The following PEX14 variants were observed in gnomAD, a reference collection of about 807,000 sequenced individuals.
PEX14 encodes peroxisomal membrane protein PEX14.
PEX14 carries 15 observed loss-of-function variants against 49.5 expected under a neutral mutation model. That is an observed-to-expected ratio of 0.30 (90% CI 0.20 to 0.47). The LOEUF (loss-of-function observed/expected upper bound fraction) is 0.47. Among genes scored for constraint, PEX14 ranks in the 20% least tolerant of loss-of-function variants. PEX14 has a pLI of 1.00. For synonymous variants in PEX14, 210 were observed against 212.7 expected (o/e 0.99, Z 0.11); for missense variants, 398 against 494.8 (o/e 0.80, Z 1.86).
At chr1:10,521,521 T>C (rs1638295013) in intron 2 of PEX14, among the ~76,000 whole-genome samples, 1 of 152,246 alleles carries the variant, frequency 6.6e-6, no homozygotes, top group Admixed American at 6.5e-5. Context: ...GTTACATAAA[T>C]GCTAACTAAT....
intron 4 of PEX14, among the ~76,000 whole-genome samples, chr1:10,616,005 A>C (rs1480835754): frequency 6.6e-6 from 1 of 152,110 alleles, no homozygotes; most frequent in African/African-American, 2.4e-5. Context: ...GGAGTTGGGG[A>C]CTGAGGGAGA....
At chr1:10,564,059 A>G (rs1639733567) in intron 3 of PEX14, among the ~76,000 whole-genome samples, 1 of 152,140 alleles carries the variant, frequency 6.6e-6, no homozygotes, top group South Asian at 2.1e-4. Flanking sequence ...GTTTTTTTCA[A>G]AAGTAGTTTT....
intron 4 of PEX14, among the ~76,000 whole-genome samples, chr1:10,605,587 G>A (rs759321339): frequency 1.1e-4 from 16 of 152,222 alleles, no homozygotes; most frequent in Non-Finnish European, 2.1e-4. Flanking sequence ...AAGGCCCGGG[G>A]CCAGGGTGGC....
chr1:10,527,015 A>T (rs1328370379), intron 2 of PEX14, among the ~76,000 whole-genome samples: 1 of 151,966 alleles, frequency 6.6e-6, no homozygotes, highest in African/African-American at 2.4e-5. Context: ...GGAGTTCGAG[A>T]CCCGCCTGGC....
intron 2 of PEX14, among the ~76,000 whole-genome samples, chr1:10,535,695 G>GGAGATCA (rs1186836887): frequency 6.6e-6 from 1 of 152,172 alleles, no homozygotes; most frequent in Non-Finnish European, 1.5e-5. Context: ...AAGAGAATAG[G>GGAGATCA]GAGATCAGAG....
At chr1:10,580,745 A>G (rs183528579) in intron 3 of PEX14, among the ~76,000 whole-genome samples, 28 of 152,100 alleles carry the variant, frequency 1.8e-4, no homozygotes, top group Non-Finnish European at 3.8e-4. Flanking sequence ...TATCCAGAAG[A>G]GGATACTGAA....
rs796953319 is a variant in PEX14 at position 10,515,234 on chromosome 1, C to CT, written c.84+19925dup. Among the ~76,000 whole-genome samples, 809 of 146,534 alleles carry CT rather than the reference C, an allele frequency of 5.5e-3. 1 individual carries two copies. The highest frequency in any genetic ancestry group is 0.017 in the African/African-American group (668 of 40,214). On this transcript the variant is annotated intron_variant, in intron 2 of 8. Transcript: ENST00000356607. The stretch of plus-strand genomic sequence containing the variant: ...TAAAAATAAGGCATTAAAACTCTGA[C>CT]TTTTTTTTTTTTCTTCCAGAATCAA...
chr1:10,602,822 TC>T (rs967598613), intron 4 of PEX14, among the ~76,000 whole-genome samples: 2 of 152,232 alleles, frequency 1.3e-5, no homozygotes, highest in African/African-American at 4.8e-5. Context: ...ATTGTCTGCG[TC>T]GGGAGGGATT....
intron 2 of PEX14, among the ~76,000 whole-genome samples, chr1:10,506,608 G>T (rs1220298431): frequency 6.6e-6 from 1 of 152,220 alleles, no homozygotes; most frequent in Admixed American, 6.5e-5. Context: ...AATGTGAAAA[G>T]AAAGTTTTAT....
At chr1:10,618,442 G>A in intron 5 of PEX14, 25 bp downstream of exon 5, 2 of 1,564,634 alleles carry the variant, frequency 1.3e-6, no homozygotes, top group Non-Finnish European at 8.8e-7. Context: ...GCGGCTGCAG[G>A]TGCTGTGCCC....
intron 3 of PEX14, among the ~76,000 whole-genome samples, chr1:10,564,903 T>TA (rs1639758498): frequency 1.2e-5 from 1 of 80,150 alleles, no homozygotes; most frequent in East Asian, 5.4e-4. Context: ...TTTTTGTATA[T>TA]CTTTTTTTTT....
chr1:10,515,090 C>G (rs1641948008), intron 2 of PEX14, among the ~76,000 whole-genome samples: 2 of 152,198 alleles, frequency 1.3e-5, no homozygotes, highest in Non-Finnish European at 1.5e-5. Flanking sequence ...TCTCCAGCAG[C>G]ATGGATCTGT....
At chr1:10,563,195 C>G (rs1418789207) in intron 3 of PEX14, among the ~76,000 whole-genome samples, 1 of 148,834 alleles carries the variant, frequency 6.7e-6, no homozygotes, top group Non-Finnish European at 1.5e-5. Flanking sequence ...GGATTACAGG[C>G]GTGAGCCACG....
chr1:10,625,096 G>A (rs1467799467), intron 7 of PEX14, among the ~76,000 whole-genome samples: 1 of 152,216 alleles, frequency 6.6e-6, no homozygotes, highest in African/African-American at 2.4e-5. Flanking sequence ...CTGAGTCTTA[G>A]TCTCCTCATC....
intron 2 of PEX14, among the ~76,000 whole-genome samples, chr1:10,508,423 G>A (rs527621472): frequency 3.9e-5 from 6 of 152,232 alleles, no homozygotes; most frequent in Non-Finnish European, 7.4e-5. Context: ...TAGCCAGGAT[G>A]GTCTCGATCT....
At chr1:10,502,766 C>T (rs888287532) in intron 2 of PEX14, among the ~76,000 whole-genome samples, 1 of 150,400 alleles carries the variant, frequency 6.6e-6, no homozygotes, top group African/African-American at 2.4e-5. Context: ...CAGAGCTACT[C>T]AGTGATTGGG....
At chr1:10,626,204 T>A (rs1641740045) in intron 7 of PEX14, among the ~76,000 whole-genome samples, 1 of 152,228 alleles carries the variant, frequency 6.6e-6, no homozygotes, top group African/African-American at 2.4e-5. Flanking sequence ...AATCCTGGCA[T>A]CTGGCACCAT....
At chr1:10,560,571 A>G (rs1446593153) in intron 3 of PEX14, among the ~76,000 whole-genome samples, 1 of 151,506 alleles carries the variant, frequency 6.6e-6, no homozygotes, top group African/African-American at 2.4e-5. Context: ...GGGTTTCGCC[A>G]TGTTGCCCAG....
chr1:10,475,366 C>T (rs970080439), intron 1 of PEX14, among the ~76,000 whole-genome samples: 2 of 152,150 alleles, frequency 1.3e-5, no homozygotes, highest in African/African-American at 4.8e-5. Context: ...TCGATCGTTC[C>T]CGGCTGTCCC....
Sources: gnomAD v4.1 joint callset for allele counts (sites outside exome capture counted in the v4.1 genomes callset) on GRCh38, gnomAD v4.1.1 for gene constraint, MANE v1.5 for transcripts, NCBI Gene and HGNC (gene_info 2026-07-23, HGNC 2026-07-21) for gene names.